Variants in QKI observed in about 807,000 individuals in gnomAD.
QKI encodes KH domain-containing RNA-binding protein QKI.
QKI carries 10 observed loss-of-function variants against 39.0 expected under a neutral mutation model. The observed-to-expected ratio is 0.26, with a 90% CI of 0.16 to 0.43. The LOEUF (loss-of-function observed/expected upper bound fraction) is 0.43, where lower values mean the gene tolerates loss of function less well. Among genes scored for constraint, QKI ranks in the 20% least tolerant of loss-of-function variants. The pLI is 1.00. For missense variants in QKI, 218 were observed against 428.0 expected (o/e 0.51, Z 4.33); for synonymous variants, 204 against 155.4 (o/e 1.31, Z -2.33).
intron 2 of QKI, among the ~76,000 whole-genome samples, chr6:163,468,235 C>G (rs1287258018): frequency 6.6e-6 from 1 of 152,100 alleles, no homozygotes; most frequent in Non-Finnish European, 1.5e-5. Context: ...ACTAAAATCA[C>G]CCTAGAAATA....
At chr6:163,567,426 T>C (rs1783431394) in intron 7 of QKI, 1 of 985,638 alleles carries the variant, frequency 1.0e-6, no homozygotes, top group Admixed American at 6.1e-5. Context: ...CTTGCCAAAA[T>C]GGATCCTTTG....
intron 4 of QKI, among the ~76,000 whole-genome samples, chr6:163,547,467 A>C (rs1291630622): frequency 6.6e-6 from 1 of 152,204 alleles, no homozygotes; most frequent in Non-Finnish European, 1.5e-5. Context: ...CCATGCCTCC[A>C]GTTACCACTG....
intron 2 of QKI, among the ~76,000 whole-genome samples, chr6:163,475,334 CA>C (rs1792502915): frequency 6.6e-6 from 1 of 152,066 alleles, no homozygotes; most frequent in African/African-American, 2.4e-5. Context: ...CTGAAATATA[CA>C]AATTTTTTCT....
chr6:163,485,194 T>C (rs1371916736), intron 3 of QKI, among the ~76,000 whole-genome samples: 1 of 152,234 alleles, frequency 6.6e-6, no homozygotes, highest in Non-Finnish European at 1.5e-5. Context: ...GGAGTAATTT[T>C]AGATGAGATC....
chr6:163,561,125 T>A (rs1228488068), intron 4 of QKI, among the ~76,000 whole-genome samples: 1 of 152,214 alleles, frequency 6.6e-6, no homozygotes, highest in Non-Finnish European at 1.5e-5. Flanking sequence ...GAGAGCAGAA[T>A]ATACGGTTTT....
At chr6:163,542,701 T>C (rs1182909634) in intron 4 of QKI, among the ~76,000 whole-genome samples, 29 of 152,016 alleles carry the variant, frequency 1.9e-4, no homozygotes, top group Admixed American at 1.9e-3. Context: ...TGAGTAAAAT[T>C]GTGTGTTTGT....
intron 3 of QKI, among the ~76,000 whole-genome samples, chr6:163,522,102 C>G (rs975560563): frequency 6.6e-6 from 1 of 152,134 alleles, no homozygotes; most frequent in African/African-American, 2.4e-5. Flanking sequence ...TTCTTTAATT[C>G]TTGCAACCTT....
At chr6:163,565,313 G>A (rs1039996757) in intron 6 of QKI, 8 of 986,290 alleles carry the variant, frequency 8.1e-6, no homozygotes, top group South Asian at 4.7e-5. Flanking sequence ...ATCTGTTCCC[G>A]AGGAGTTATG....
chr6:163,427,484 T>TGG (rs750713143), intron 1 of QKI, among the ~76,000 whole-genome samples: 1 of 151,942 alleles, frequency 6.6e-6, no homozygotes. Context: ...CCTTTTTTGG[T>TGG]GGGGGGGTCC....
rs73784426 is a variant in QKI, at chr6:163,488,471, A to C, written c.402+9575A>C. Among the ~76,000 whole-genome samples, 514 of 152,308 alleles carry C rather than the reference A, an allele frequency of 3.4e-3. 3 individuals carry two copies. The highest frequency in any genetic ancestry group is 0.012 in the African/African-American group (484 of 41,564). On this transcript the variant is annotated intron_variant, in intron 3 of 7. Coordinates refer to ENST00000361752, the MANE Select transcript of QKI (RefSeq NM_006775.3). ...GCTCATTCTCATTAAATTTAGGACT[A>C]TAATGTTTTTATTTAATCTTCTATC...
intron 3 of QKI, among the ~76,000 whole-genome samples, chr6:163,482,234 A>G (rs934736757): frequency 1.3e-5 from 2 of 152,152 alleles, no homozygotes; most frequent in Admixed American, 1.3e-4. Flanking sequence ...TCTGTGGTAC[A>G]TTATTTTCTA....
chr6:163,438,741 T>C (rs1334509423), intron 1 of QKI, among the ~76,000 whole-genome samples: 1 of 151,234 alleles, frequency 6.6e-6, no homozygotes, highest in Non-Finnish European at 1.5e-5. Flanking sequence ...AGTCAGTGAG[T>C]GAGTGGTGAG....
intron 1 of QKI, among the ~76,000 whole-genome samples, chr6:163,432,218 A>C (rs1377197411): frequency 1.3e-5 from 2 of 152,158 alleles, no homozygotes; most frequent in Non-Finnish European, 2.9e-5. Context: ...TCAAGCATCT[A>C]ATGCACAGTC....
Position 163,529,664 on chromosome 6 carries a change from A to C in QKI, c.403-5318A>C, listed in dbSNP as rs73784448. 6.0e-3 allele frequency among the ~76,000 whole-genome samples: 916 copies of C among 152,334 alleles called. 9 individuals carry two copies. The highest frequency in any genetic ancestry group is 0.021 in the African/African-American group (854 of 41,586). On this transcript the variant is annotated intron_variant, in intron 3 of 7. Coordinates refer to ENST00000361752, the MANE Select transcript of QKI (RefSeq NM_006775.3). The stretch of plus-strand genomic sequence containing the variant: ...ATGGCCAGTAATACAGCATGGAGTA[A>C]ATCTGAGCCTATCGTGGGAAGTGAA...
intron 6 of QKI, chr6:163,564,479 G>T: frequency 7.0e-7 from 1 of 1,423,788 alleles, no homozygotes; most frequent in Middle Eastern, 2.6e-4. Context: ...TGGAGTCCTA[G>T]TCATATTAAA....
In QKI at chr6:163,577,402, A is replaced by G. The variant is rs906995088; in HGVS notation, c.*6692A>G. 4.3e-5 allele frequency: 6 copies of G among 140,582 alleles called. No individual in the cohort carries two copies. Among genetic ancestry groups the G allele is most frequent in the African/African-American group, 6.6e-5 (2 of 30,532 alleles). The allele number at this position is 140,582 out of a possible 1,614,324, so 8.7% of individuals were successfully genotyped here. On this transcript the variant is annotated 3_prime_UTR_variant, in exon 8 of 8. Coordinates refer to ENST00000361752, the MANE Select transcript of QKI (RefSeq NM_006775.3). ...AAAAGTGGCAACACTAGACTTAAAA[A>G]AAAAAAAGTCTGATTGCCCATATTA...
intron 4 of QKI, among the ~76,000 whole-genome samples, chr6:163,557,503 T>A (rs1273327822): frequency 1.3e-5 from 2 of 152,204 alleles, no homozygotes; most frequent in Middle Eastern, 3.4e-3. Context: ...CTTATGGAGA[T>A]AGAGTGTGGA....
Position 163,578,460 on chromosome 6 carries a change from T to G in QKI, c.*7750T>G, listed in dbSNP as rs914405471. ...GTTTTCAATGATTGATTTATAAAAT[T>G]AAGACATACTGGTAGTACAAGTTGA... On this transcript the variant is annotated 3_prime_UTR_variant, in exon 8 of 8. Coordinates refer to ENST00000361752, the MANE Select transcript of QKI (RefSeq NM_006775.3). The G allele has an allele frequency of 6.6e-5, 10 of 152,208 alleles. No homozygotes were observed. Among genetic ancestry groups the G allele is most frequent in the African/African-American group, 2.2e-4 (9 of 41,442 alleles). 9.4% of individuals were successfully genotyped at this position (152,208 alleles called of 1,614,324 possible).
At chr6:163,541,078 CTT>C (rs1781474656) in intron 4 of QKI, among the ~76,000 whole-genome samples, 1 of 151,932 alleles carries the variant, frequency 6.6e-6, no homozygotes, top group Non-Finnish European at 1.5e-5. Context: ...TGAGACCTGT[CTT>C]TTGTACTTCT....
Sources: gnomAD v4.1 joint callset for allele counts (sites outside exome capture counted in the v4.1 genomes callset) on GRCh38, gnomAD v4.1.1 for gene constraint, MANE v1.5 for transcripts, NCBI Gene and HGNC (gene_info 2026-07-23, HGNC 2026-07-21) for gene names.